Variants in ITSN1 observed in about 807,000 individuals in gnomAD.
ITSN1 encodes intersectin 1.
In ITSN1, 58 loss-of-function variants were observed where a neutral mutation model predicts 239.8. That is an observed-to-expected ratio of 0.24 (90% confidence interval 0.20 to 0.30). ITSN1 has a LOEUF of 0.30. ITSN1 is among the 10% of genes least tolerant of loss of function. The pLI, the probability that ITSN1 is intolerant of heterozygous loss-of-function variation, is 1.00. For synonymous variants in ITSN1, 780 were observed against 770.8 expected, an observed-to-expected ratio of 1.01 and a Z score of -0.20; for missense variants, 1,558 against 2,103.3, an observed-to-expected ratio of 0.74 and a Z score of 5.07.
At position 33,894,651 on chromosome 21, in the gene ITSN1, G is replaced by C. The variant is rs995257461; in HGVS notation, c.*6351G>C. The C allele has an allele frequency of 2.0e-5, 3 of 152,160 alleles. No individual in the cohort carries two copies. The highest frequency in any genetic ancestry group is 7.2e-5 in the African/African-American group (3 of 41,432). The allele number at this position is 152,160 out of a possible 1,614,324, so 9.4% of individuals were successfully genotyped here. A position where few individuals can be genotyped will look rare whatever the true frequency, so the allele number is the denominator to read the frequency against. Reference sequence around the variant, plus strand: ...GAATGCGTATTTTCTTCTTCCAGAAGTTCTGGTTTTATACTTTTATCTTTT... The same window carrying C: ...GAATGCGTATTTTCTTCTTCCAGAACTTCTGGTTTTATACTTTTATCTTTT... On this transcript the variant is annotated 3_prime_UTR_variant, in exon 40 of 40. Transcript: ENST00000381318.
chr21:33,837,490 C>T, intron 29 of ITSN1: 1 of 985,830 alleles, frequency 1.0e-6, no homozygotes, highest in South Asian at 4.7e-5. Context: ...TCATTTTGTC[C>T]AGTGTTACCA....
intron 32 of ITSN1, among the ~76,000 whole-genome samples, chr21:33,866,473 G>A (rs962434352): frequency 2.0e-5 from 3 of 151,538 alleles, no homozygotes; most frequent in African/African-American, 7.3e-5. Context: ...CCAGAGCAGG[G>A]GCCTCATTGT....
intron 1 of ITSN1, among the ~76,000 whole-genome samples, chr21:33,645,221 A>G (rs971076741): frequency 6.6e-6 from 1 of 152,188 alleles, no homozygotes; most frequent in Non-Finnish European, 1.5e-5. Flanking sequence ...ATGCACCTCA[A>G]ATTCTTCTGC....
In ITSN1 at chr21:33,890,789, C is replaced by T. The variant is rs948229324; in HGVS notation, c.*2489C>T. 6.6e-6 allele frequency: 1 copy of T among 152,188 alleles called. No homozygotes were observed. The highest frequency in any genetic ancestry group is 2.4e-5 in the African/African-American group (1 of 41,428). The allele number at this position is 152,188 out of a possible 1,614,324, so 9.4% of individuals were successfully genotyped here. The stretch of plus-strand genomic sequence containing the variant: ...CTCCTTGCCAACAAGGAGTCTGTCT[C>T]CTAGCTCTTTGTTTTCTAAATATAG... On this transcript the variant is annotated 3_prime_UTR_variant, in exon 40 of 40. Coordinates refer to ENST00000381318, the MANE Select transcript of ITSN1 (RefSeq NM_003024.3).
chr21:33,711,543 T>C (rs546157846), intron 1 of ITSN1, among the ~76,000 whole-genome samples: 2 of 152,088 alleles, frequency 1.3e-5, no homozygotes, highest in Non-Finnish European at 2.9e-5. Context: ...TTGTCCTTTC[T>C]GTTTTTTTTT....
At chr21:33,837,194 T>C in intron 29 of ITSN1, 1 of 1,300,292 alleles carries the variant, frequency 7.7e-7, no homozygotes, top group Non-Finnish European at 9.8e-7. Flanking sequence ...AATGTTTGAG[T>C]TATTACTTGC....
Position 33,755,348 on chromosome 21 carries a change from C to T in ITSN1, c.675C>T (p.Tyr225=). The T allele has an allele frequency of 1.2e-6, 2 of 1,611,062 alleles. No individual in the cohort carries two copies. Among genetic ancestry groups the T allele is most frequent in the Non-Finnish European group, 1.7e-6 (2 of 1,178,078 alleles). The change falls in exon 8 of 40, where the codon TAC becomes TAT. Residue 225 remains tyrosine, a synonymous_variant. Coordinates refer to ENST00000381318, the MANE Select transcript of ITSN1 (RefSeq NM_003024.3). ...WAVPQSSRLK[Y]RQLFNSHDKT... ...TTCCTCAGTCATCAAGACTGAAATA[C>T]AGGCAATTATTCAATAGTCATGACA...
Position 33,865,178 on chromosome 21 carries a change from C to T in ITSN1, c.3918C>T (p.Ser1306=), listed in dbSNP as rs141656361. 2.4e-5 allele frequency: 38 copies of T among 1,613,782 alleles called. No homozygotes were observed. The highest frequency in any genetic ancestry group is 2.0e-4 in the African/African-American group (15 of 75,012). ...CGCTGAGAGTCCGCAAGAAGATGTC[C>T]GGGGAGAAGATGCCTGTGAAGATGA... ...LKALRVRKKM[S]GEKMPVKMIG... The change falls in exon 32 of 40, where the codon TCC becomes TCT. Residue 1306 remains serine, a synonymous_variant. Transcript: ENST00000381318. The surrounding 1 kb of genome is among the most constrained non-coding windows in gnomAD (Gnocchi z 4.4).
intron 29 of ITSN1, among the ~76,000 whole-genome samples, chr21:33,841,894 C>G (rs2074835436): frequency 6.6e-6 from 1 of 151,194 alleles, no homozygotes; most frequent in South Asian, 2.1e-4. Flanking sequence ...ATCACAGTAG[C>G]CTTAATGTGA....
intron 29 of ITSN1, among the ~76,000 whole-genome samples, chr21:33,849,201 G>A (rs893826195): frequency 1.3e-5 from 2 of 152,116 alleles, no homozygotes; most frequent in African/African-American, 4.8e-5. Flanking sequence ...TTGCGCCACT[G>A]CACTCCAGCC....
At chr21:33,857,572 A>G (rs1048085167) in intron 30 of ITSN1, among the ~76,000 whole-genome samples, 1 of 152,176 alleles carries the variant, frequency 6.6e-6, no homozygotes, top group Admixed American at 6.5e-5. Flanking sequence ...CACCACACCA[A>G]ACGGGTGTGA....
chr21:33,719,168 T>C (rs1310923781), intron 2 of ITSN1, among the ~76,000 whole-genome samples: 1 of 152,166 alleles, frequency 6.6e-6, no homozygotes, highest in African/African-American at 2.4e-5. Context: ...GGGCCGGGCA[T>C]GGTGGCTCAC....
chr21:33,808,339 C>T (rs2072630518), intron 20 of ITSN1, among the ~76,000 whole-genome samples: 2 of 152,126 alleles, frequency 1.3e-5, no homozygotes, highest in South Asian at 2.1e-4. Context: ...AATCCCAGAA[C>T]TTTGGGAGGC....
intron 1 of ITSN1, among the ~76,000 whole-genome samples, chr21:33,675,891 AT>A (rs1310301341): frequency 3.3e-5 from 5 of 152,220 alleles, no homozygotes; most frequent in Non-Finnish European, 7.3e-5. Context: ...ACTTAGGGAC[AT>A]TAATTCCTTA....
intron 1 of ITSN1, among the ~76,000 whole-genome samples, chr21:33,690,772 A>AGT (rs1568945975): frequency 1.6e-4 from 11 of 69,242 alleles, no homozygotes; most frequent in Non-Finnish European, 2.1e-4. Flanking sequence ...GAAAAAAAAA[A>AGT]GTGTATATAT....
chr21:33,814,054 G>A lies in ITSN1; in HGVS notation c.2709G>A (p.Pro903=), dbSNP rs553144756. The change falls in exon 22 of 40, where the codon CCG becomes CCA. Residue 903 remains proline, a synonymous_variant. Transcript: ENST00000381318. ...CAGCCACGGCCACTGGCTCCTCCCCGTCTCCTGTGCTAGGCCAGGTAAAGG... is the reference window on the plus strand; with the variant it reads ...CAGCCACGGCCACTGGCTCCTCCCCATCTCCTGTGCTAGGCCAGGTAAAGG... ...FTPATATGSS[P]SPVLGQGEKV... 51 of 1,614,040 alleles carry A rather than the reference G, an allele frequency of 3.2e-5. No homozygotes were observed. Among genetic ancestry groups the A allele is most frequent in the Middle Eastern group, 1.7e-4 (1 of 6,060 alleles).
chr21:33,703,619 G>A (rs1254649726), intron 1 of ITSN1, among the ~76,000 whole-genome samples: 1 of 152,192 alleles, frequency 6.6e-6, no homozygotes, highest in African/African-American at 2.4e-5. Flanking sequence ...GGCAAAGAAG[G>A]AAACAATTGT....
chr21:33,816,933 C>A (rs1358332509), intron 22 of ITSN1, among the ~76,000 whole-genome samples: 1 of 151,984 alleles, frequency 6.6e-6, no homozygotes, highest in Non-Finnish European at 1.5e-5. Context: ...AAGGCAAGAA[C>A]CCATGAAGAC....
intron 26 of ITSN1, among the ~76,000 whole-genome samples, chr21:33,827,128 G>A (rs1368079477): frequency 2.0e-5 from 3 of 152,292 alleles, no homozygotes; most frequent in Middle Eastern, 3.4e-3. Context: ...GGCCAGGCAC[G>A]GTGGCTCATG....
Sources: gnomAD v4.1 joint callset for allele counts (sites outside exome capture counted in the v4.1 genomes callset) on GRCh38, gnomAD v4.1.1 for gene constraint, Gnocchi (gnomAD v3.1) non-coding constraint, MANE v1.5 for transcripts, NCBI Gene and HGNC (gene_info 2026-07-23, HGNC 2026-07-21) for gene names.